The following CFAP77 variants were observed in gnomAD, a reference collection of about 807,000 sequenced individuals.
CFAP77 encodes cilia and flagella associated protein 77.
Under a neutral mutation model 31.1 loss-of-function variants are expected in CFAP77, and 25 were observed. The ratio of observed to expected loss-of-function variants is 0.80; its 90% CI spans 0.59 to 1.12. CFAP77 has a LOEUF of 1.12. Ranked by LOEUF, CFAP77 falls within the 50% of genes most tolerant of loss-of-function variation. The pLI, the probability that CFAP77 is intolerant of heterozygous loss-of-function variation, is 0.00. For synonymous variants in CFAP77, 151 were observed against 159.9 expected (o/e 0.94, Z 0.42); for missense variants, 377 against 397.3 (o/e 0.95, Z 0.44).
chr9:132,429,660 C>T (rs372219580), intron 1 of CFAP77, among the ~76,000 whole-genome samples: 15 of 147,242 alleles, frequency 1.0e-4, no homozygotes, highest in South Asian at 6.5e-4. Context: ...CTGGCTAACA[C>T]GGCGAAACCC....
intron 1 of CFAP77, among the ~76,000 whole-genome samples, chr9:132,458,665 G>T (rs570477574): frequency 1.8e-5 from 1 of 55,928 alleles, no homozygotes; most frequent in Admixed American, 1.7e-4. Flanking sequence ...ACTACAAGCC[G>T]CATGGCTAGT....
At chr9:132,430,982 G>A (rs929889134) in intron 1 of CFAP77, among the ~76,000 whole-genome samples, 3 of 152,204 alleles carry the variant, frequency 2.0e-5, no homozygotes, top group Non-Finnish European at 4.4e-5. Flanking sequence ...CTACAGTTTG[G>A]ATAGAAACCT....
At chr9:132,532,433 C>G (rs749119675) in intron 3 of CFAP77, among the ~76,000 whole-genome samples, 1 of 152,236 alleles carries the variant, frequency 6.6e-6, no homozygotes, top group Non-Finnish European at 1.5e-5. Flanking sequence ...GGAACTTTTA[C>G]TCAGCGCCGG....
chr9:132,542,835 G>A lies in CFAP77; in HGVS notation c.631-111G>A, dbSNP rs372818455. On this transcript the variant is annotated intron_variant, in intron 4 of 5. Coordinates refer to ENST00000393216, the MANE Select transcript of CFAP77 (RefSeq NM_001282957.2). ...GGCTGGGGCCAGAAGGAAAGTGACC[G>A]AGGATCTTGCCACGCCAAGAATCCC... is the stretch of plus-strand genomic sequence containing the variant. 9.4e-5 allele frequency: 70 copies of A among 742,678 alleles called. No homozygotes were observed. The East Asian group carries it at 1.2e-3, about 13-fold the overall frequency. The allele number at this position is 742,678 out of a possible 1,614,324, so 46.0% of individuals were successfully genotyped here.
chr9:132,497,667 G>A lies in CFAP77; in HGVS notation c.196-1028G>A, dbSNP rs1019426539. On this transcript the variant is annotated intron_variant, in intron 1 of 5. Transcript: ENST00000393216. The surrounding 1 kb of genome is among the most constrained non-coding windows in gnomAD (Gnocchi z 4.9). ...ACTGCTTGACCTGAGGCAACCTGTC[G>A]GATCTCTCTGTGCCTCAGCTTCCCC... is the stretch of plus-strand genomic sequence containing the variant. 4.6e-5 allele frequency among the ~76,000 whole-genome samples: 7 copies of A among 152,100 alleles called. No individual in the cohort carries two copies. The highest frequency in any genetic ancestry group is 7.2e-5 in the African/African-American group (3 of 41,396).
At chr9:132,543,490 G>T (rs1432244614) in intron 5 of CFAP77, among the ~76,000 whole-genome samples, 2 of 152,056 alleles carry the variant, frequency 1.3e-5, no homozygotes, top group African/African-American at 4.8e-5. Flanking sequence ...GAGGAAGGAG[G>T]CTGTCCACCT....
intron 5 of CFAP77, among the ~76,000 whole-genome samples, chr9:132,572,128 G>A (rs1441381509): frequency 2.6e-5 from 4 of 152,096 alleles, no homozygotes; most frequent in African/African-American, 9.7e-5. Flanking sequence ...GTCTGGTCAT[G>A]GCCTGGTGAT....
Position 132,424,738 on chromosome 9 carries a change from T to C in CFAP77, c.195+14272T>C, listed in dbSNP as rs1042319423. Among the ~76,000 whole-genome samples, 6 of 152,170 alleles carry C rather than the reference T, an allele frequency of 3.9e-5. No homozygotes were observed. The highest frequency in any genetic ancestry group is 7.4e-5 in the Non-Finnish European group (5 of 68,024). On this transcript the variant is annotated intron_variant, in intron 1 of 5. Transcript: ENST00000393216. The surrounding 1 kb of genome is among the most constrained non-coding windows in gnomAD (Gnocchi z 4.1). ...ATAGATACCGGGTTTCCCACGGATG[T>C]TGGATTTCAGGTTATTCCAAACGTG...
At chr9:132,441,393 C>T (rs562011702) in intron 1 of CFAP77, among the ~76,000 whole-genome samples, 192 of 152,244 alleles carry the variant, frequency 1.3e-3, no homozygotes, top group African/African-American at 4.2e-3. Context: ...CACTGAAATA[C>T]GGCATGTTTT....
chr9:132,569,839 G>A (rs950881068), intron 5 of CFAP77, among the ~76,000 whole-genome samples: 4 of 150,540 alleles, frequency 2.7e-5, no homozygotes, highest in East Asian at 4.0e-4. Flanking sequence ...GGGTTCAGGC[G>A]ATTCTCCTGC....
At chr9:132,439,541 A>G (rs576213765) in intron 1 of CFAP77, among the ~76,000 whole-genome samples, 1 of 151,536 alleles carries the variant, frequency 6.6e-6, no homozygotes, top group African/African-American at 2.4e-5. Context: ...TTCAGCTCTT[A>G]CTCTGGGTAA....
intron 1 of CFAP77, among the ~76,000 whole-genome samples, chr9:132,465,594 C>T (rs1851139789): frequency 6.6e-6 from 1 of 152,110 alleles, no homozygotes; most frequent in African/African-American, 2.4e-5. Flanking sequence ...GAAAGACACA[C>T]CCTGGTGTTC....
chr9:132,464,726 G>A (rs1428929277), intron 1 of CFAP77, among the ~76,000 whole-genome samples: 2 of 152,086 alleles, frequency 1.3e-5, no homozygotes, highest in Admixed American at 1.3e-4. Flanking sequence ...GTGCTTAGTG[G>A]CCACACGTGG....
At chr9:132,413,744 G>C (rs1289056877) in intron 1 of CFAP77, among the ~76,000 whole-genome samples, 3 of 152,324 alleles carry the variant, frequency 2.0e-5, no homozygotes, top group Middle Eastern at 3.4e-3. Flanking sequence ...TGGATCTTCT[G>C]TCTCCCTGGA....
At position 132,491,233 on chromosome 9, in the gene CFAP77, C is replaced by T. The variant is rs139952776; in HGVS notation, c.196-7462C>T. On this transcript the variant is annotated intron_variant, in intron 1 of 5. Transcript: ENST00000393216. ...CTGTAATCCCAGCATTTTGGGAGGCCGAAGCGGGCAGATCACTTGAGGTCA... is the reference window on the plus strand; with the variant it reads ...CTGTAATCCCAGCATTTTGGGAGGCTGAAGCGGGCAGATCACTTGAGGTCA... 1.9e-3 allele frequency among the ~76,000 whole-genome samples: 284 copies of T among 152,208 alleles called. 1 individual carries two copies. The highest frequency in any genetic ancestry group is 6.1e-3 in the African/African-American group (252 of 41,532).
rs1307009934 is a variant in CFAP77, at chr9:132,455,885, C to T, written c.196-42810C>T. 6.6e-6 allele frequency among the ~76,000 whole-genome samples: 1 copy of T among 152,208 alleles called. No individual in the cohort carries two copies. The highest frequency in any genetic ancestry group is 1.9e-4 in the East Asian group (1 of 5,200). On this transcript the variant is annotated intron_variant, in intron 1 of 5. Transcript: ENST00000393216. The surrounding 1 kb of genome is among the most constrained non-coding windows in gnomAD (Gnocchi z 4.1). ...GCCAGGATGTGGGCTTTGAGGTCCA[C>T]AGACACAGACCCGAGTTCTCATCCA... is the stretch of plus-strand genomic sequence containing the variant.
In CFAP77 at chr9:132,500,660, A is replaced by G. The variant is rs544735635; in HGVS notation, c.524+1060A>G. Among the ~76,000 whole-genome samples, 6 of 151,904 alleles carry G rather than the reference A, an allele frequency of 3.9e-5. No homozygotes were observed. In the South Asian group the frequency reaches 1.3e-3, roughly 32 times the overall value. ...ATCTGGCACCCCAGAAACCTCCCACACTCCCCCTGAGAAATAGCAGTTCTA... is the reference window on the plus strand; with the variant it reads ...ATCTGGCACCCCAGAAACCTCCCACGCTCCCCCTGAGAAATAGCAGTTCTA... On this transcript the variant is annotated intron_variant, in intron 3 of 5. Coordinates refer to ENST00000393216, the MANE Select transcript of CFAP77 (RefSeq NM_001282957.2).
At chr9:132,447,002 G>A (rs570018195) in intron 1 of CFAP77, among the ~76,000 whole-genome samples, 20 of 152,030 alleles carry the variant, frequency 1.3e-4, no homozygotes, top group African/African-American at 3.9e-4. Context: ...TGCTTCTCCC[G>A]CTTCGGCCTC....
At chr9:132,561,649 ACACACACACACACC>A (rs773403630) in intron 5 of CFAP77, among the ~76,000 whole-genome samples, 1,531 of 105,326 alleles carry the variant, frequency 0.015, 22 homozygotes, top group African/African-American at 0.046. Flanking sequence ...ACACACACAC[ACACACACACACACC>A]CCCTCCATGT....
Sources: gnomAD v4.1 joint callset for allele counts (sites outside exome capture counted in the v4.1 genomes callset) on GRCh38, gnomAD v4.1.1 for gene constraint, Gnocchi (gnomAD v3.1) non-coding constraint, MANE v1.5 for transcripts, NCBI Gene and HGNC (gene_info 2026-07-23, HGNC 2026-07-21) for gene names.